The following ERC2 variants were observed in gnomAD, a reference collection of about 807,000 sequenced individuals.
ERC2 encodes ELKS/RAB6-interacting/CAST family member 2, also known as ERC protein 2.
In ERC2, 42 loss-of-function variants were observed where a neutral mutation model predicts 114.8. The observed-to-expected ratio is 0.37, with a 90% confidence interval of 0.29 to 0.47. The LOEUF (loss-of-function observed/expected upper bound fraction) is 0.47, where lower values mean the gene tolerates loss of function less well. Among genes scored for constraint, ERC2 ranks in the 20% least tolerant of loss-of-function variants. The pLI, the probability that ERC2 is intolerant of heterozygous loss-of-function variation, is 0.99. For synonymous variants in ERC2, 454 were observed against 425.5 expected (o/e 1.07, Z -0.82); for missense variants, 939 against 1,150.7 (o/e 0.82, Z 2.66).
At chr3:55,667,461 C>T (rs543447627) in intron 17 of ERC2, among the ~76,000 whole-genome samples, 2 of 152,266 alleles carry the variant, frequency 1.3e-5, no homozygotes, top group South Asian at 4.2e-4. Flanking sequence ...CACTTTAAAA[C>T]AAGAGTTTCC....
At chr3:55,901,383 T>C (rs1183246779) in intron 13 of ERC2, among the ~76,000 whole-genome samples, 1 of 152,180 alleles carries the variant, frequency 6.6e-6, no homozygotes. Flanking sequence ...GGCAGGCTGC[T>C]TTCTCATCTG....
At chr3:56,439,480 G>C (rs2107427554) in intron 1 of ERC2, among the ~76,000 whole-genome samples, 2 of 152,208 alleles carry the variant, frequency 1.3e-5, no homozygotes, top group Middle Eastern at 3.4e-3. Flanking sequence ...AATGGGCCTA[G>C]TTGTTTATTA....
chr3:55,883,918 A>C (rs961400519), intron 14 of ERC2, among the ~76,000 whole-genome samples: 3 of 141,954 alleles, frequency 2.1e-5, no homozygotes, highest in South Asian at 2.4e-4. Flanking sequence ...AACAACAACA[A>C]CAACAACAAC....
rs1575422987 is a variant in ERC2 at position 55,510,678 on chromosome 3, C to T, written c.*638G>A. The T allele has an allele frequency of 1.3e-5, 2 of 152,682 alleles. No individual in the cohort carries two copies. The highest frequency in any genetic ancestry group is 6.8e-3 in the Middle Eastern group (2 of 294). 9.5% of individuals were successfully genotyped at this position (152,682 alleles called of 1,614,324 possible). A position where few individuals can be genotyped will look rare whatever the true frequency, so the allele number is the denominator to read the frequency against. ...CACCCTCAAAATGCGGTTCTTCAAA[C>T]AACAGATTAAAGAAATAGAGGAGGG... On this transcript the variant is annotated 3_prime_UTR_variant, in exon 18 of 18. Coordinates refer to ENST00000288221, the MANE Select transcript of ERC2 (RefSeq NM_015576.3).
intron 7 of ERC2, among the ~76,000 whole-genome samples, chr3:56,040,991 G>C (rs1185505870): frequency 6.6e-6 from 1 of 151,644 alleles, no homozygotes. Flanking sequence ...AAATGAACTT[G>C]TAATCACTCA....
chr3:55,901,525 T>A (rs981304921), intron 13 of ERC2, among the ~76,000 whole-genome samples: 2 of 152,174 alleles, frequency 1.3e-5, no homozygotes, highest in Non-Finnish European at 2.9e-5. Flanking sequence ...CACAGTCCCC[T>A]CAAATCTTTA....
At chr3:56,293,400 T>A (rs2055218210) in intron 3 of ERC2, among the ~76,000 whole-genome samples, 1 of 152,178 alleles carries the variant, frequency 6.6e-6, no homozygotes, top group African/African-American at 2.4e-5. Flanking sequence ...GGGAAGGTAG[T>A]CCCTAAGAGT....
rs181440518 is a variant in ERC2 at position 56,360,096 on chromosome 3, G to T, written c.658-63661C>A. ...TTTTTTTTTTTTGAGACGGAGTCTC[G>T]TTCTGTCACCCAGGCTGGAGTGCAG... is the stretch of plus-strand genomic sequence containing the variant. On this transcript the variant is annotated intron_variant, in intron 2 of 17. Coordinates refer to ENST00000288221, the MANE Select transcript of ERC2 (RefSeq NM_015576.3). 3.4e-5 allele frequency among the ~76,000 whole-genome samples: 4 copies of T among 118,292 alleles called. No homozygotes were observed. The South Asian group carries it at 1.0e-3, about 31-fold the overall frequency. 77.6% of individuals were successfully genotyped at this position (118,292 alleles called of 152,430 possible). A position where few individuals can be genotyped will look rare whatever the true frequency, so the allele number is the denominator to read the frequency against.
intron 13 of ERC2, among the ~76,000 whole-genome samples, chr3:55,914,234 T>C (rs1177594942): frequency 6.6e-6 from 1 of 152,214 alleles, no homozygotes; most frequent in Non-Finnish European, 1.5e-5. Context: ...TTTTTCTGTA[T>C]GGGCTAGTTT....
chr3:56,176,547 C>A (rs1335532118), intron 3 of ERC2, among the ~76,000 whole-genome samples: 1 of 152,100 alleles, frequency 6.6e-6, no homozygotes, highest in Non-Finnish European at 1.5e-5. Flanking sequence ...TGTGTCACTC[C>A]TTTAAAAATA....
intron 6 of ERC2, among the ~76,000 whole-genome samples, chr3:56,083,233 C>A (rs2077331196): frequency 6.6e-6 from 1 of 152,088 alleles, no homozygotes; most frequent in East Asian, 1.9e-4. Context: ...AAAGGAGTGA[C>A]CTGCAGATAT....
At chr3:55,814,434 G>A (rs902246069) in intron 14 of ERC2, among the ~76,000 whole-genome samples, 1 of 152,124 alleles carries the variant, frequency 6.6e-6, no homozygotes, top group Non-Finnish European at 1.5e-5. Context: ...CTGCCAACTC[G>A]GAAGAGTTTT....
At chr3:56,456,094 AC>A (rs1040364140) in intron 1 of ERC2, among the ~76,000 whole-genome samples, 2 of 152,166 alleles carry the variant, frequency 1.3e-5, no homozygotes, top group African/African-American at 4.8e-5. Context: ...TTACAAATGT[AC>A]CCTCCTAAGG....
chr3:56,429,421 A>G (rs2061701400), intron 2 of ERC2, among the ~76,000 whole-genome samples: 1 of 152,192 alleles, frequency 6.6e-6, no homozygotes, highest in South Asian at 2.1e-4. Flanking sequence ...CATTGAGAGC[A>G]TGGGCTATGG....
chr3:56,072,624 T>C (rs1436685194), intron 7 of ERC2, among the ~76,000 whole-genome samples: 1 of 152,080 alleles, frequency 6.6e-6, no homozygotes, highest in East Asian at 1.9e-4. Context: ...CTATCCCAAA[T>C]GACTAGATCA....
At position 55,787,290 on chromosome 3, in the gene ERC2, C is replaced by T. The variant is rs1324692565; in HGVS notation, c.2565-52372G>A. ...AATTAGCTGGGTGTGGTGGTGCGCG[C>T]CTGTAGTCCCAGCTACTAGGGAAGC... On this transcript the variant is annotated intron_variant, in intron 14 of 17. Transcript: ENST00000288221. 2.6e-5 allele frequency among the ~76,000 whole-genome samples: 4 copies of T among 151,948 alleles called. No individual in the cohort carries two copies. The East Asian group carries it at 7.7e-4, about 29-fold the overall frequency.
chr3:56,316,161 G>A (rs1231716206), intron 2 of ERC2, among the ~76,000 whole-genome samples: 2 of 152,226 alleles, frequency 1.3e-5, no homozygotes, highest in East Asian at 3.9e-4. Flanking sequence ...TGGACTAGGA[G>A]AAGAGTGAGG....
At chr3:56,049,420 A>G (rs2075648705) in intron 7 of ERC2, among the ~76,000 whole-genome samples, 1 of 152,230 alleles carries the variant, frequency 6.6e-6, no homozygotes, top group Non-Finnish European at 1.5e-5. Context: ...GTCTACTGAT[A>G]CTGTGAAGGT....
intron 3 of ERC2, among the ~76,000 whole-genome samples, chr3:56,276,470 A>AAAAAAAAAAAAAAC (rs2054002240): frequency 1.3e-5 from 2 of 151,424 alleles, no homozygotes; most frequent in East Asian, 1.9e-4. Context: ...AAAAAAAAAA[A>AAAAAAAAAAAAAAC]AAAAAAACAA....
Sources: allele counts gnomAD v4.1 joint callset (sites outside exome capture counted in the v4.1 genomes callset), GRCh38; gene constraint gnomAD v4.1.1; transcripts MANE v1.5; gene names NCBI Gene and HGNC (gene_info 2026-07-23, HGNC 2026-07-21).